Variants in SLC35F3 observed in about 807,000 individuals in gnomAD.
SLC35F3 encodes the protein putative thiamine transporter SLC35F3.
In SLC35F3, 25 loss-of-function variants were observed where a neutral mutation model predicts 49.9. That is an observed-to-expected ratio of 0.50 (90% confidence interval 0.37 to 0.70). The LOEUF (loss-of-function observed/expected upper bound fraction) is 0.70, where lower values mean the gene tolerates loss of function less well. Among genes scored for constraint, SLC35F3 ranks in the 30% least tolerant of loss-of-function variants. The pLI, the probability that SLC35F3 is intolerant of heterozygous loss-of-function variation, is 0.00. For synonymous variants in SLC35F3, 275 were observed against 265.4 expected (o/e 1.04, Z -0.35); for missense variants, 525 against 639.8 (o/e 0.82, Z 1.94).
At chr1:234,053,670 T>A (rs567920817) in intron 2 of SLC35F3, among the ~76,000 whole-genome samples, 5 of 152,354 alleles carry the variant, frequency 3.3e-5, no homozygotes, top group South Asian at 2.1e-4. Context: ...ATGTGTGAAT[T>A]TGATCCTGTC....
chr1:234,279,664 G>C (rs1467847433), intron 3 of SLC35F3, among the ~76,000 whole-genome samples: 1 of 152,140 alleles, frequency 6.6e-6, no homozygotes, highest in Non-Finnish European at 1.5e-5. Flanking sequence ...AGTGAACATG[G>C]GCAAAATGTC....
At chr1:234,212,111 C>T (rs1275424864) in intron 2 of SLC35F3, among the ~76,000 whole-genome samples, 1 of 152,206 alleles carries the variant, frequency 6.6e-6, no homozygotes, top group East Asian at 1.9e-4. Flanking sequence ...TCCTTGCCTT[C>T]CACCATGATT....
At position 234,323,832 on chromosome 1, in the gene SLC35F3, G is replaced by A. The variant is rs527921108; in HGVS notation, c.*589G>A. ...CTGTCAGAGGACAGGTCTGTGCCAG[G>A]TACCAGGAAGGACAAGATAAGTCCA... is the stretch of plus-strand genomic sequence containing the variant. On this transcript the variant is annotated 3_prime_UTR_variant, in exon 8 of 8. Transcript: ENST00000366618. The surrounding 1 kb of genome is among the most constrained non-coding windows in gnomAD (Gnocchi z 4.5). 1.3e-5 allele frequency: 2 copies of A among 155,720 alleles called. No individual in the cohort carries two copies. Among genetic ancestry groups the A allele is most frequent in the East Asian group, 3.8e-4 (2 of 5,244 alleles). The allele number at this position is 155,720 out of a possible 1,614,324, so 9.6% of individuals were successfully genotyped here.
At chr1:234,136,272 C>T (rs1444881210) in intron 2 of SLC35F3, among the ~76,000 whole-genome samples, 1 of 150,980 alleles carries the variant, frequency 6.6e-6, no homozygotes, top group Non-Finnish European at 1.5e-5. Flanking sequence ...CTTTCTTTCT[C>T]TCTCTTTCTC....
At chr1:233,948,522 G>C (rs560887900) in intron 2 of SLC35F3, among the ~76,000 whole-genome samples, 2 of 151,768 alleles carry the variant, frequency 1.3e-5, no homozygotes, top group South Asian at 2.1e-4. Context: ...GCTGGAAACT[G>C]GTGGAAAGTT....
intron 2 of SLC35F3, among the ~76,000 whole-genome samples, chr1:233,966,776 T>C (rs1662912639): frequency 6.6e-6 from 1 of 152,214 alleles, no homozygotes; most frequent in Admixed American, 6.5e-5. Flanking sequence ...AAGGATCAAA[T>C]ACAGATTTAT....
intron 2 of SLC35F3, among the ~76,000 whole-genome samples, chr1:234,013,006 A>G (rs1663747511): frequency 2.0e-5 from 3 of 152,212 alleles, no homozygotes; most frequent in South Asian, 4.1e-4. Context: ...CGTACAGAAC[A>G]TTTCATCTAA....
intron 2 of SLC35F3, among the ~76,000 whole-genome samples, chr1:234,217,355 C>T: frequency 6.6e-6 from 1 of 152,156 alleles, no homozygotes; most frequent in Admixed American, 6.5e-5. Flanking sequence ...TAGCAAGGCC[C>T]TGGAAAGGCA....
chr1:234,082,263 A>G (rs983279219), intron 2 of SLC35F3, among the ~76,000 whole-genome samples: 1 of 152,034 alleles, frequency 6.6e-6, no homozygotes, highest in Non-Finnish European at 1.5e-5. Flanking sequence ...AAACAAGACA[A>G]CTTCTCGGAG....
At chr1:233,955,914 GTCTCGCTC>G (rs1282258010) in intron 2 of SLC35F3, among the ~76,000 whole-genome samples, 1 of 116,978 alleles carries the variant, frequency 8.5e-6, no homozygotes, top group Non-Finnish European at 1.6e-5. Flanking sequence ...TTGAGTTGGT[GTCTCGCTC>G]TCTTGCCCAG....
chr1:234,290,196 G>A (rs982323292), intron 3 of SLC35F3, among the ~76,000 whole-genome samples: 5 of 152,102 alleles, frequency 3.3e-5, no homozygotes, highest in African/African-American at 1.2e-4. Flanking sequence ...GATATGGAAT[G>A]ACAAGACACA....
intron 2 of SLC35F3, among the ~76,000 whole-genome samples, chr1:234,156,336 A>G (rs76332520): frequency 0.025 from 3,833 of 152,330 alleles, 71 homozygotes; most frequent in Non-Finnish European, 0.039. Context: ...TAATTCCGCG[A>G]TACGGCTGAA....
intron 2 of SLC35F3, among the ~76,000 whole-genome samples, chr1:233,987,326 A>G (rs1663281848): frequency 6.6e-6 from 1 of 152,002 alleles, no homozygotes; most frequent in South Asian, 2.1e-4. Context: ...GATTGCCACA[A>G]ATTTGTGACC....
At chr1:234,128,886 C>A (rs946053668) in intron 2 of SLC35F3, among the ~76,000 whole-genome samples, 23 of 152,176 alleles carry the variant, frequency 1.5e-4, no homozygotes, top group African/African-American at 5.3e-4. Flanking sequence ...GGGCCAGGTT[C>A]TAAAGGTAAT....
chr1:234,276,761 A>G (rs1668218337), intron 3 of SLC35F3, among the ~76,000 whole-genome samples: 1 of 152,258 alleles, frequency 6.6e-6, no homozygotes, highest in Admixed American at 6.5e-5. Flanking sequence ...AATGGCTTGC[A>G]GGCCTGGCAG....
At chr1:234,065,581 A>C (rs188764519) in intron 2 of SLC35F3, among the ~76,000 whole-genome samples, 149 of 152,340 alleles carry the variant, frequency 9.8e-4, no homozygotes, top group African/African-American at 3.2e-3. Flanking sequence ...GTTTAAAATA[A>C]AATTTCTATA....
intron 2 of SLC35F3, among the ~76,000 whole-genome samples, chr1:234,217,186 C>CA (rs1330878265): frequency 2.0e-5 from 3 of 152,130 alleles, no homozygotes; most frequent in African/African-American, 7.2e-5. Context: ...CAGAGTGTGT[C>CA]ATCTAAGGGG....
chr1:234,271,714 A>C (rs1668109519), intron 3 of SLC35F3, among the ~76,000 whole-genome samples: 1 of 152,222 alleles, frequency 6.6e-6, no homozygotes, highest in Non-Finnish European at 1.5e-5. Context: ...TTTGTACACA[A>C]AGAAAAACTA....
intron 2 of SLC35F3, among the ~76,000 whole-genome samples, chr1:234,072,348 C>T (rs540157528): frequency 7.9e-5 from 12 of 152,022 alleles, no homozygotes; most frequent in Non-Finnish European, 1.6e-4. Context: ...ATTGCCTGTG[C>T]CAGTCATTGG....
Sources: gnomAD v4.1 joint callset for allele counts (sites outside exome capture counted in the v4.1 genomes callset) on GRCh38, gnomAD v4.1.1 for gene constraint, Gnocchi (gnomAD v3.1) non-coding constraint, MANE v1.5 for transcripts, NCBI Gene and HGNC (gene_info 2026-07-23, HGNC 2026-07-21) for gene names.